The following SP4 variants were observed in gnomAD, a reference collection of about 807,000 sequenced individuals.
The protein encoded by SP4 is Sp4 transcription factor, also known as transcription factor Sp4.
A neutral mutation model predicts 72.8 loss-of-function variants in SP4; 19 were observed. The ratio of observed to expected loss-of-function variants is 0.26; its 90% CI spans 0.18 to 0.38. SP4 has a LOEUF of 0.38. Among genes scored for constraint, SP4 ranks in the 10% least tolerant of loss-of-function variants. The pLI is 1.00. For synonymous variants in SP4, 395 were observed against 333.1 expected (o/e 1.19, Z -2.02); for missense variants, 1,008 against 926.3 (o/e 1.09, Z -1.14).
chr7:21,480,194 T>G (rs1291130717), intron 4 of SP4, among the ~76,000 whole-genome samples: 2 of 152,208 alleles, frequency 1.3e-5, no homozygotes, highest in African/African-American at 4.8e-5. Context: ...TTTGCATCCA[T>G]ATTCATAAGA....
intron 3 of SP4, among the ~76,000 whole-genome samples, chr7:21,434,702 A>G (rs1583374932): frequency 1.3e-5 from 2 of 152,248 alleles, no homozygotes; most frequent in Admixed American, 1.3e-4. Context: ...TAGTGTACCC[A>G]TCACCGAAAT....
At chr7:21,466,801 T>C (rs1784180332) in intron 3 of SP4, among the ~76,000 whole-genome samples, 1 of 152,124 alleles carries the variant, frequency 6.6e-6, no homozygotes, top group Non-Finnish European at 1.5e-5. Flanking sequence ...TTTTTTTTTT[T>C]TTACCACCAG....
chr7:21,495,073 A>G (rs1785074660), intron 5 of SP4, among the ~76,000 whole-genome samples: 2 of 152,194 alleles, frequency 1.3e-5, no homozygotes, highest in Non-Finnish European at 2.9e-5. Context: ...GTCTTTTACA[A>G]AAACTAACTC....
At chr7:21,436,003 A>C (rs1783039974) in intron 3 of SP4, among the ~76,000 whole-genome samples, 1 of 152,046 alleles carries the variant, frequency 6.6e-6, no homozygotes, top group African/African-American at 2.4e-5. Flanking sequence ...GGTTCAAGTG[A>C]TTCTCCGGCC....
At chr7:21,484,830 A>G (rs1181149673) in intron 5 of SP4, among the ~76,000 whole-genome samples, 1 of 151,844 alleles carries the variant, frequency 6.6e-6, no homozygotes, top group Non-Finnish European at 1.5e-5. Flanking sequence ...ACATCCACAC[A>G]CTTGCAGATA....
chr7:21,461,445 G>A (rs900831944), intron 3 of SP4, among the ~76,000 whole-genome samples: 2 of 152,196 alleles, frequency 1.3e-5, no homozygotes, highest in African/African-American at 4.8e-5. Context: ...TACTGCTGGG[G>A]GACCCGGCGC....
chr7:21,464,189 C>T lies in SP4; in HGVS notation c.1679-12890C>T, dbSNP rs189247909. Among the ~76,000 whole-genome samples the T allele has an allele frequency of 2.5e-3, 382 of 149,856 alleles. 4 individuals carry two copies. Among genetic ancestry groups the T allele is most frequent in the African/African-American group, 7.7e-3 (311 of 40,584 alleles). On this transcript the variant is annotated intron_variant, in intron 3 of 5. Coordinates refer to ENST00000222584, the MANE Select transcript of SP4 (RefSeq NM_003112.5). ...ACCCAGGCTGGAGTGCATGGCCTCC[C>T]GGGTTCATGCCGTTCTCCTGCCTTA...
At chr7:21,493,667 T>C (rs1276010780) in intron 5 of SP4, among the ~76,000 whole-genome samples, 1 of 151,980 alleles carries the variant, frequency 6.6e-6, no homozygotes, top group African/African-American at 2.4e-5. Context: ...GCATGAATGC[T>C]CCTATATCTG....
Position 21,430,079 on chromosome 7 carries a change from C to T in SP4, c.914C>T (p.Thr305Ile), listed in dbSNP as rs1393289247. 1.2e-6 allele frequency: 2 copies of T among 1,614,208 alleles called. No individual in the cohort carries two copies. Among genetic ancestry groups the T allele is most frequent in the Non-Finnish European group, 8.5e-7 (1 of 1,180,052 alleles). ...SNGNQLVSTP[T>I]NTTTSASTMP... ...GGGAATCAATTAGTTTCCACACCCA[C>T]CAACACCACTACTTCTGCCAGTACT... The change falls in exon 3 of 6, where the codon ACC becomes ATC. Residue 305 changes from threonine (T) to isoleucine (I), a missense_variant. Thr to Ile is a moderately conservative substitution (Grantham distance 89). This residue lies in a region of SP4 where 893 missense variants were observed against 743.3 expected (regional missense o/e 1.20). Coordinates refer to ENST00000222584, the MANE Select transcript of SP4 (RefSeq NM_003112.5).
intron 3 of SP4, among the ~76,000 whole-genome samples, chr7:21,432,859 G>GGT (rs1194136561): frequency 6.6e-6 from 1 of 152,156 alleles, no homozygotes; most frequent in African/African-American, 2.4e-5. Context: ...AGCTGGGTGT[G>GGT]GTGGCACACC....
chr7:21,495,408 C>A (rs538323536), intron 5 of SP4, among the ~76,000 whole-genome samples: 1 of 151,440 alleles, frequency 6.6e-6, no homozygotes, highest in African/African-American at 2.4e-5. Flanking sequence ...ACAAATTTAA[C>A]AGTTTTTTTT....
At chr7:21,491,156 G>A (rs1784968972) in intron 5 of SP4, among the ~76,000 whole-genome samples, 1 of 152,128 alleles carries the variant, frequency 6.6e-6, no homozygotes, top group Admixed American at 6.5e-5. Flanking sequence ...ATGGACTAAA[G>A]ATAAGCGTGA....
chr7:21,428,817 T>A (rs2128387314), intron 2 of SP4, 25 bp downstream of exon 2: 1 of 1,527,782 alleles, frequency 6.5e-7, no homozygotes, highest in Non-Finnish European at 8.8e-7. Flanking sequence ...ATTAAAAAAA[T>A]TCATCACGAC....
Position 21,430,169 on chromosome 7 carries a change from G to C in SP4, c.1004G>C (p.Ser335Thr), listed in dbSNP as rs764081727. Reference sequence around the variant, plus strand: ...ACTGCTTCAACGTCTTTGACAAGCAGTGACACATTAGTGAGCTCAGCAGAT... The same window carrying C: ...ACTGCTTCAACGTCTTTGACAAGCACTGACACATTAGTGAGCTCAGCAGAT... ...TTTASTSLTSSDTLVSSADTG... is the reference protein window; with the variant it reads ...TTTASTSLTSTDTLVSSADTG... Residue 335 changes from serine to threonine, a missense_variant, in exon 3 of 6, where the codon AGT becomes ACT. Transcript: ENST00000222584. 4 of 1,614,214 alleles carry C rather than the reference G, an allele frequency of 2.5e-6. No individual in the cohort carries two copies. In the East Asian group the frequency reaches 8.9e-5, roughly 36 times the overall value.
chr7:21,491,022 T>G (rs1288210376), intron 5 of SP4, among the ~76,000 whole-genome samples: 2 of 152,240 alleles, frequency 1.3e-5, no homozygotes, highest in East Asian at 3.9e-4. Context: ...CCAAAATTAC[T>G]CAACATACTA....
intron 3 of SP4, among the ~76,000 whole-genome samples, chr7:21,452,676 A>T (rs576647326): frequency 6.6e-6 from 1 of 152,364 alleles, no homozygotes; most frequent in African/African-American, 2.4e-5. Flanking sequence ...TATGCAAATA[A>T]CTATATTGCC....
intron 3 of SP4, among the ~76,000 whole-genome samples, chr7:21,474,502 G>A (rs1391347515): frequency 1.3e-5 from 2 of 152,214 alleles, no homozygotes; most frequent in Non-Finnish European, 2.9e-5. Context: ...CAAGTAGTTT[G>A]AATAGATTTT....
intron 5 of SP4, among the ~76,000 whole-genome samples, chr7:21,503,735 G>A (rs1298707891): frequency 6.6e-6 from 1 of 152,188 alleles, no homozygotes; most frequent in African/African-American, 2.4e-5. Flanking sequence ...GGGCATTTCT[G>A]TGAAATCTAC....
chr7:21,453,752 C>T (rs942413597), intron 3 of SP4, among the ~76,000 whole-genome samples: 5 of 152,152 alleles, frequency 3.3e-5, no homozygotes, highest in African/African-American at 1.2e-4. Flanking sequence ...GAAGAATGCT[C>T]TAAGAAAACT....
Sources: gnomAD v4.1 joint callset for allele counts (sites outside exome capture counted in the v4.1 genomes callset) on GRCh38, gnomAD v4.1.1 for gene constraint, gnomAD v4.1.1 regional missense constraint, MANE v1.5 for transcripts, NCBI Gene and HGNC (gene_info 2026-07-23, HGNC 2026-07-21) for gene names.